PPARG: variants seen among roughly 807,000 people sequenced by gnomAD.
PPARG encodes peroxisome proliferator activated receptor gamma.
PPARG carries 17 observed loss-of-function variants against 39.2 expected under a neutral mutation model. The observed-to-expected ratio is 0.43, with a 90% CI of 0.30 to 0.65. The LOEUF is 0.65. Among genes scored for constraint, PPARG ranks in the 30% least tolerant of loss-of-function variants. PPARG has a pLI of 0.13. For synonymous variants in PPARG, 223 were observed against 215.7 expected (o/e 1.03, Z -0.30); for missense variants, 406 against 585.9 (o/e 0.69, Z 3.17).
At chr3:12,326,662 G>A (rs1321291630) in intron 2 of PPARG, among the ~76,000 whole-genome samples, 1 of 151,912 alleles carries the variant, frequency 6.6e-6, no homozygotes, top group Non-Finnish European at 1.5e-5. Context: ...TAAGCTTCAA[G>A]TTCATAGATT....
intron 2 of PPARG, among the ~76,000 whole-genome samples, chr3:12,379,406 TA>T (rs1339363046): frequency 6.6e-6 from 1 of 152,212 alleles, no homozygotes; most frequent in Non-Finnish European, 1.5e-5. Flanking sequence ...ATTGATGACC[TA>T]ATGTAGAAGT....
intron 2 of PPARG, among the ~76,000 whole-genome samples, chr3:12,371,507 A>G (rs1018263140): frequency 6.6e-6 from 1 of 152,188 alleles, no homozygotes; most frequent in Non-Finnish European, 1.5e-5. Context: ...AGTTCTTCGC[A>G]TTTTATTCTG....
intron 6 of PPARG, among the ~76,000 whole-genome samples, chr3:12,416,496 C>A (rs1418409880): frequency 3.3e-5 from 5 of 152,098 alleles, no homozygotes; most frequent in African/African-American, 9.7e-5. Flanking sequence ...GGAAAGAAGA[C>A]CAAAATTGGT....
At position 12,318,430 on chromosome 3, in the gene PPARG, A is replaced by C. The variant is rs573286716; in HGVS notation, c.-9+5977A>C. ...TTAACAAAGTAGGACTTTCATAGAGATAAGTTCAAATCAGTTTTTAAAAAA... is the reference window on the plus strand; with the variant it reads ...TTAACAAAGTAGGACTTTCATAGAGCTAAGTTCAAATCAGTTTTTAAAAAA... On this transcript the variant is annotated intron_variant, in intron 2 of 7. Coordinates refer to ENST00000651735, the MANE Select transcript of PPARG (RefSeq NM_138711.6). Among the ~76,000 whole-genome samples the C allele has an allele frequency of 4.6e-5, 7 of 152,362 alleles. No individual in the cohort carries two copies. The South Asian group carries it at 1.4e-3, about 32-fold the overall frequency.
chr3:12,327,279 C>G (rs62242122), intron 2 of PPARG, among the ~76,000 whole-genome samples: 1 of 152,108 alleles, frequency 6.6e-6, no homozygotes, highest in Non-Finnish European at 1.5e-5. Context: ...ATCTTCTGGA[C>G]GTAGAGTTTT....
chr3:12,296,118 G>A (rs567849466), intron 1 of PPARG, among the ~76,000 whole-genome samples: 185 of 151,882 alleles, frequency 1.2e-3, no homozygotes, highest in Non-Finnish European at 1.9e-3. Context: ...TGGGCGTGGT[G>A]GCACACACCT....
chr3:12,292,116 TGTG>T (rs1256371792), intron 1 of PPARG, among the ~76,000 whole-genome samples: 4 of 152,360 alleles, frequency 2.6e-5, no homozygotes, highest in African/African-American at 9.6e-5. Context: ...ATGCTTCTCA[TGTG>T]GTGATCAATT....
At chr3:12,309,399 A>G (rs1396963613) in intron 1 of PPARG, among the ~76,000 whole-genome samples, 3 of 152,170 alleles carry the variant, frequency 2.0e-5, no homozygotes, top group Non-Finnish European at 4.4e-5. Flanking sequence ...AGATAAATGT[A>G]ACTTGATTAT....
At chr3:12,378,656 G>T (rs1465337627) in intron 2 of PPARG, among the ~76,000 whole-genome samples, 1 of 152,180 alleles carries the variant, frequency 6.6e-6, no homozygotes, top group Non-Finnish European at 1.5e-5. Flanking sequence ...AATGGTGGTT[G>T]CCAGGAGCTG....
intron 2 of PPARG, among the ~76,000 whole-genome samples, chr3:12,360,015 C>T (rs768149149): frequency 3.7e-4 from 57 of 152,212 alleles, no homozygotes; most frequent in African/African-American, 1.3e-3. Context: ...TGAATTTTTA[C>T]TTCCGCCATT....
chr3:12,335,669 C>T (rs921163770), intron 2 of PPARG, among the ~76,000 whole-genome samples: 13 of 152,156 alleles, frequency 8.5e-5, no homozygotes, highest in Non-Finnish European at 1.6e-4. Flanking sequence ...CAATTCTCAC[C>T]CTCTACAAAA....
intron 6 of PPARG, among the ~76,000 whole-genome samples, chr3:12,412,657 C>T (rs1351720082): frequency 6.6e-6 from 1 of 152,156 alleles, no homozygotes; most frequent in Non-Finnish European, 1.5e-5. Flanking sequence ...TGACCAGTGA[C>T]AGATTCACCA....
intron 2 of PPARG, among the ~76,000 whole-genome samples, chr3:12,336,190 C>T (rs901929995): frequency 3.9e-5 from 6 of 152,174 alleles, no homozygotes. Flanking sequence ...AACCAAAATG[C>T]TGCTGATCTG....
chr3:12,418,925 G>A (rs1386676529), intron 7 of PPARG, among the ~76,000 whole-genome samples: 2 of 152,002 alleles, frequency 1.3e-5, no homozygotes, highest in Non-Finnish European at 2.9e-5. Flanking sequence ...GTGGGTTTTT[G>A]TTGTTGTTGT....
intron 2 of PPARG, among the ~76,000 whole-genome samples, chr3:12,357,853 A>G (rs2048717621): frequency 6.6e-6 from 1 of 152,244 alleles, no homozygotes; most frequent in Admixed American, 6.5e-5. Flanking sequence ...GCCAAATCAT[A>G]TAGTCACTGA....
intron 1 of PPARG, among the ~76,000 whole-genome samples, chr3:12,295,185 C>T (rs997238112): frequency 3.9e-5 from 6 of 152,078 alleles, no homozygotes; most frequent in African/African-American, 9.7e-5. Flanking sequence ...TTATCCTTTC[C>T]GTCAGTTGAT....
chr3:12,378,348 C>T (rs778101942), intron 2 of PPARG, among the ~76,000 whole-genome samples: 12 of 151,936 alleles, frequency 7.9e-5, no homozygotes, highest in Non-Finnish European at 1.6e-4. Flanking sequence ...TTCGCAATAG[C>T]CAAGATATGA....
intron 2 of PPARG, among the ~76,000 whole-genome samples, chr3:12,329,508 A>C (rs905593277): frequency 1.3e-5 from 2 of 152,234 alleles, no homozygotes; most frequent in African/African-American, 2.4e-5. Flanking sequence ...TTGTAGAACA[A>C]ATTTTCCTAT....
intron 3 of PPARG, 29 bp from the exon 4 acceptor site, chr3:12,381,293 A>T: frequency 1.2e-6 from 2 of 1,608,930 alleles, no homozygotes; most frequent in Non-Finnish European, 1.7e-6. Flanking sequence ...TCATGGGATA[A>T]TTATCCTCTC....
Sources: gnomAD v4.1 joint callset for allele counts (sites outside exome capture counted in the v4.1 genomes callset) on GRCh38, gnomAD v4.1.1 for gene constraint, MANE v1.5 for transcripts, NCBI Gene and HGNC (gene_info 2026-07-23, HGNC 2026-07-21) for gene names.